DPYSL2: variants seen among roughly 807,000 people sequenced by gnomAD.
DPYSL2 encodes dihydropyrimidinase-related protein 2.
A neutral mutation model predicts 69.9 loss-of-function variants in DPYSL2; 13 were observed. That is an observed-to-expected ratio of 0.19 (90% CI 0.12 to 0.30). DPYSL2 has a LOEUF of 0.30. DPYSL2 is among the 10% of genes least tolerant of loss of function. DPYSL2 has a pLI of 1.00. For missense variants in DPYSL2, 587 were observed against 918.9 expected (o/e 0.64, Z 4.67); for synonymous variants, 326 against 359.1 (o/e 0.91, Z 1.04).
In DPYSL2 at chr8:26,581,570, C is replaced by T. The variant is rs576088246; in HGVS notation, c.355-399C>T. Among the ~76,000 whole-genome samples, 253 of 152,168 alleles carry T rather than the reference C, an allele frequency of 1.7e-3. 1 individual carries two copies. Among genetic ancestry groups the T allele is most frequent in the African/African-American group, 5.9e-3 (245 of 41,524 alleles). On this transcript the variant is annotated intron_variant, in intron 1 of 13. Coordinates refer to ENST00000521913, the MANE Select transcript of DPYSL2 (RefSeq NM_001197293.3). The stretch of plus-strand genomic sequence containing the variant: ...TGTATTTTTTATAGAGATGGGGTTT[C>T]ACCATGTTGGCCAGGCTGGTCTCAA...
rs1286752164 is a variant in DPYSL2, at chr8:26,605,729, C to G, written c.629-18414C>G. On this transcript the variant is annotated intron_variant, in intron 3 of 13. Transcript: ENST00000521913. The surrounding 1 kb of genome is among the most constrained non-coding windows in gnomAD (Gnocchi z 4.1). ...GAAAACATAATTTAAAAAATCCATA[C>G]ACAATAGCAACATAAAATATAAAAT... Among the ~76,000 whole-genome samples, 2 of 152,020 alleles carry G rather than the reference C, an allele frequency of 1.3e-5. No individual in the cohort carries two copies. Among genetic ancestry groups the G allele is most frequent in the Non-Finnish European group, 1.5e-5 (1 of 68,012 alleles).
In DPYSL2 at chr8:26,562,173, T is replaced by C. The variant is rs13255972; in HGVS notation, c.355-19796T>C. Among the ~76,000 whole-genome samples, 1 of 152,142 alleles carries C rather than the reference T, an allele frequency of 6.6e-6. No homozygotes were observed. Among genetic ancestry groups the C allele is most frequent in the African/African-American group, 2.4e-5 (1 of 41,532 alleles). ...GAGGAAGGACACACACTGGTCAGAC[T>C]GCAGGGCTTGATTCCTGGCTCTGCC... On this transcript the variant is annotated intron_variant, in intron 1 of 13. Transcript: ENST00000521913. The surrounding 1 kb of genome is among the most constrained non-coding windows in gnomAD (Gnocchi z 4.9).
intron 8 of DPYSL2, among the ~76,000 whole-genome samples, chr8:26,635,351 T>C (rs1802887413): frequency 6.6e-6 from 1 of 152,204 alleles, no homozygotes; most frequent in African/African-American, 2.4e-5. Context: ...CCAGACACTA[T>C]CACATCCAGA....
At chr8:26,623,365 T>C (rs1032655889) in intron 3 of DPYSL2, among the ~76,000 whole-genome samples, 3 of 152,170 alleles carry the variant, frequency 2.0e-5, no homozygotes, top group East Asian at 1.9e-4. Flanking sequence ...TGACATAAGA[T>C]TGATGGATAT....
In DPYSL2 at chr8:26,590,366, G is replaced by A. The variant is rs926279636; in HGVS notation, c.628+6383G>A. On this transcript the variant is annotated intron_variant, in intron 3 of 13. Coordinates refer to ENST00000521913, the MANE Select transcript of DPYSL2 (RefSeq NM_001197293.3). ...GGTCACACATTTCTCCTAAGGACAC[G>A]GGTGCCCTCTGCAAGCAGATGCCGG... is the stretch of plus-strand genomic sequence containing the variant. 4.6e-5 allele frequency among the ~76,000 whole-genome samples: 7 copies of A among 152,332 alleles called. No individual in the cohort carries two copies. In the East Asian group the frequency reaches 9.7e-4, roughly 21 times the overall value.
intron 7 of DPYSL2, among the ~76,000 whole-genome samples, chr8:26,630,725 C>CT (rs879741772): frequency 6.6e-6 from 1 of 152,168 alleles, no homozygotes; most frequent in Non-Finnish European, 1.5e-5. Context: ...GGTTATCTCT[C>CT]TTTAGATGAG....
At chr8:26,566,557 A>G (rs963409327) in intron 1 of DPYSL2, among the ~76,000 whole-genome samples, 1 of 152,204 alleles carries the variant, frequency 6.6e-6, no homozygotes, top group East Asian at 1.9e-4. Flanking sequence ...GAAGGGCAGG[A>G]AGGACACTGA....
At chr8:26,537,364 A>G (rs1424733625) in intron 1 of DPYSL2, among the ~76,000 whole-genome samples, 1 of 152,184 alleles carries the variant, frequency 6.6e-6, no homozygotes, top group African/African-American at 2.4e-5. Flanking sequence ...ATGATTCAGC[A>G]TGGGGTCCCA....
chr8:26,616,550 G>C (rs900959157), intron 3 of DPYSL2, among the ~76,000 whole-genome samples: 1 of 152,238 alleles, frequency 6.6e-6, no homozygotes, highest in Non-Finnish European at 1.5e-5. Context: ...TGGTGCTGGA[G>C]AATGAGGCCG....
At chr8:26,636,779 C>T (rs1184128505) in intron 8 of DPYSL2, among the ~76,000 whole-genome samples, 4 of 152,034 alleles carry the variant, frequency 2.6e-5, no homozygotes, top group East Asian at 3.9e-4. Context: ...CTCACTCTGT[C>T]GCCCAGGCAG....
rs567537507 is a variant in DPYSL2, at chr8:26,584,364, A to G, written c.628+381A>G. On this transcript the variant is annotated intron_variant, in intron 3 of 13. Coordinates refer to ENST00000521913, the MANE Select transcript of DPYSL2 (RefSeq NM_001197293.3). ...GCATAAGTATTTGATTGAGATTTTC[A>G]GAAAAATTCCTAAGAGTGCTTCTTT... 2.6e-5 allele frequency among the ~76,000 whole-genome samples: 4 copies of G among 152,326 alleles called. No homozygotes were observed. The South Asian group carries it at 8.3e-4, about 32-fold the overall frequency.
intron 3 of DPYSL2, among the ~76,000 whole-genome samples, chr8:26,622,094 C>CTTCA (rs1563413241): frequency 3.9e-5 from 1 of 25,580 alleles, no homozygotes; most frequent in Non-Finnish European, 9.2e-5. Flanking sequence ...TCTTTCTTTC[C>CTTCA]TTCCTTCCTT....
Position 26,641,938 on chromosome 8 carries a change from A to T in DPYSL2, c.1127-1501A>T, listed in dbSNP as rs1264142807. ...GGGTGTTGTGGTGTATCATCAAGTG[A>T]TAAGGCCTTCGGAAAGGCTGTGGAG... On this transcript the variant is annotated intron_variant, in intron 8 of 13. Coordinates refer to ENST00000521913, the MANE Select transcript of DPYSL2 (RefSeq NM_001197293.3). The surrounding 1 kb of genome is among the most constrained non-coding windows in gnomAD (Gnocchi z 4.1). 6.6e-6 allele frequency among the ~76,000 whole-genome samples: 1 copy of T among 152,130 alleles called. No homozygotes were observed. Among genetic ancestry groups the T allele is most frequent in the African/African-American group, 2.4e-5 (1 of 41,428 alleles).
intron 1 of DPYSL2, among the ~76,000 whole-genome samples, chr8:26,572,846 A>G (rs1801262288): frequency 6.6e-6 from 1 of 152,182 alleles, no homozygotes; most frequent in Non-Finnish European, 1.5e-5. Context: ...TGTGAGCTCA[A>G]ACCTTGAATG....
rs1247258114 is a variant in DPYSL2 at position 26,591,227 on chromosome 8, T to C, written c.628+7244T>C. ...CCTAAAGCTGGGTCACACAGACTAT[T>C]GGGAACTTCCTGTCGATCCTGCTGG... On this transcript the variant is annotated intron_variant, in intron 3 of 13. Coordinates refer to ENST00000521913, the MANE Select transcript of DPYSL2 (RefSeq NM_001197293.3). This position sits in a 1 kb window ranked among gnomAD's most constrained non-coding sequence, Gnocchi z 5.8. Among the ~76,000 whole-genome samples the C allele has an allele frequency of 6.6e-6, 1 of 152,154 alleles. No individual in the cohort carries two copies. Among genetic ancestry groups the C allele is most frequent in the Non-Finnish European group, 1.5e-5 (1 of 68,028 alleles).
intron 3 of DPYSL2, among the ~76,000 whole-genome samples, chr8:26,612,007 G>A (rs1368927284): frequency 1.3e-5 from 2 of 152,220 alleles, no homozygotes; most frequent in Non-Finnish European, 2.9e-5. Flanking sequence ...ACCTAAGATG[G>A]TGGCCAGAGC....
chr8:26,584,071 C>G, intron 3 of DPYSL2, 88 bp downstream of exon 3: 1 of 1,384,732 alleles, frequency 7.2e-7, no homozygotes, highest in South Asian at 1.4e-5. Context: ...CCTTCTAAAA[C>G]TTGCTGTCCT....
At chr8:26,555,321 A>T (rs949488939) in intron 1 of DPYSL2, among the ~76,000 whole-genome samples, 3 of 152,220 alleles carry the variant, frequency 2.0e-5, no homozygotes, top group Admixed American at 1.3e-4. Context: ...CTTTGTTTGC[A>T]TATGACATCA....
intron 1 of DPYSL2, among the ~76,000 whole-genome samples, chr8:26,558,064 C>T (rs1409322821): frequency 1.3e-5 from 2 of 151,962 alleles, no homozygotes; most frequent in African/African-American, 4.8e-5. Context: ...ATTATCTTAC[C>T]ATATGATCCT....
Sources: allele counts gnomAD v4.1 joint callset (sites outside exome capture counted in the v4.1 genomes callset), GRCh38; gene constraint gnomAD v4.1.1; non-coding constraint Gnocchi (gnomAD v3.1); transcripts MANE v1.5; gene names NCBI Gene and HGNC (gene_info 2026-07-23, HGNC 2026-07-21).